PLXDC2: variants seen among roughly 807,000 people sequenced by gnomAD.
PLXDC2 encodes the protein plexin domain containing 2.
Under a neutral mutation model 68.9 loss-of-function variants are expected in PLXDC2, and 40 were observed. That is an observed-to-expected ratio of 0.58 (90% CI 0.45 to 0.76). The LOEUF (loss-of-function observed/expected upper bound fraction) is 0.76, where lower values mean the gene tolerates loss of function less well. PLXDC2 is among the 30% of genes least tolerant of loss of function. The pLI is 0.00. For synonymous variants in PLXDC2, 243 were observed against 234.2 expected (o/e 1.04, Z -0.34); for missense variants, 644 against 661.9 (o/e 0.97, Z 0.30).
At chr10:20,110,646 T>C (rs1418485803) in intron 4 of PLXDC2, among the ~76,000 whole-genome samples, 1 of 152,136 alleles carries the variant, frequency 6.6e-6, no homozygotes, top group Non-Finnish European at 1.5e-5. Context: ...CCGGTCACTG[T>C]CACAGTCAGC....
intron 9 of PLXDC2, among the ~76,000 whole-genome samples, chr10:20,196,415 TG>T (rs1834838303): frequency 2.0e-5 from 3 of 152,292 alleles, no homozygotes; most frequent in South Asian, 4.1e-4. Context: ...CTAGGTGCCA[TG>T]GAGGGTATAG....
At chr10:20,096,069 AG>A (rs1833345383) in intron 4 of PLXDC2, among the ~76,000 whole-genome samples, 1 of 152,100 alleles carries the variant, frequency 6.6e-6, no homozygotes, top group African/African-American at 2.4e-5. Flanking sequence ...TCTTTTCAAG[AG>A]CCATTTTGCA....
chr10:19,943,757 CTCA>C, intron 1 of PLXDC2, among the ~76,000 whole-genome samples: 1 of 152,316 alleles, frequency 6.6e-6, no homozygotes, highest in East Asian at 1.9e-4. Flanking sequence ...TAGGAACAGT[CTCA>C]TCTTGTCCTT....
At chr10:19,836,872 G>A (rs544456601) in intron 1 of PLXDC2, among the ~76,000 whole-genome samples, 5 of 152,262 alleles carry the variant, frequency 3.3e-5, no homozygotes, top group South Asian at 2.1e-4. Flanking sequence ...TGGCTCTTGC[G>A]AAGATGAATT....
intron 7 of PLXDC2, among the ~76,000 whole-genome samples, chr10:20,171,162 A>G (rs1834441319): frequency 6.6e-6 from 1 of 151,960 alleles, no homozygotes; most frequent in Non-Finnish European, 1.5e-5. Flanking sequence ...TCTTGGAAAA[A>G]CTTGAACTTT....
At chr10:20,204,730 C>G (rs768321443) in intron 9 of PLXDC2, among the ~76,000 whole-genome samples, 80 of 152,154 alleles carry the variant, frequency 5.3e-4, no homozygotes, top group Non-Finnish European at 1.1e-3. Flanking sequence ...ACAGCCACAC[C>G]CAATGTGTTT....
rs925758455 is a variant in PLXDC2, at chr10:19,979,846, C to T, written c.113-21929C>T. Among the ~76,000 whole-genome samples, 20 of 152,296 alleles carry T rather than the reference C, an allele frequency of 1.3e-4. No homozygotes were observed. The East Asian group carries it at 1.4e-3, about 10-fold the overall frequency. On this transcript the variant is annotated intron_variant, in intron 1 of 13. Coordinates refer to ENST00000377252, the MANE Select transcript of PLXDC2 (RefSeq NM_032812.9). ...CACTTCCTAAAATAAACTTGCCCCTCGGCATTTCCACAGTGGAGAAATGAC... is the reference window on the plus strand; with the variant it reads ...CACTTCCTAAAATAAACTTGCCCCTTGGCATTTCCACAGTGGAGAAATGAC...
chr10:20,186,574 G>A (rs1040960054), intron 9 of PLXDC2, among the ~76,000 whole-genome samples: 2 of 151,576 alleles, frequency 1.3e-5, no homozygotes, highest in Admixed American at 6.6e-5. Context: ...CCCACCCTCC[G>A]CCCTCTGGTA....
intron 1 of PLXDC2, among the ~76,000 whole-genome samples, chr10:19,994,299 G>C (rs1258370140): frequency 1.0e-5 from 1 of 99,500 alleles, no homozygotes; most frequent in Non-Finnish European, 2.3e-5. Context: ...TGACTACTTG[G>C]AAACATGATT....
chr10:20,262,910 C>G (rs1202173411), intron 13 of PLXDC2, among the ~76,000 whole-genome samples: 1 of 152,202 alleles, frequency 6.6e-6, no homozygotes, highest in Non-Finnish European at 1.5e-5. Flanking sequence ...TGAGCCATTA[C>G]CAACTCAGCA....
rs552950916 is a variant in PLXDC2 at position 19,988,776 on chromosome 10, C to CT, written c.113-12962dup. 7.1e-3 allele frequency among the ~76,000 whole-genome samples: 325 copies of CT among 45,492 alleles called. 107 individuals are homozygous for CT. The highest frequency in any genetic ancestry group is 9.2e-3 in the Non-Finnish European group (239 of 26,110). The allele number at this position is 45,492 out of a possible 152,430, so 29.8% of individuals were successfully genotyped here. On this transcript the variant is annotated intron_variant, in intron 1 of 13. Coordinates refer to ENST00000377252, the MANE Select transcript of PLXDC2 (RefSeq NM_032812.9). ...AGTTAGGGTTAAGTTAATAATGCCA[C>CT]TTTTTTTTTTTTTTTTTTTTTTTTT...
At position 20,009,539 on chromosome 10, in the gene PLXDC2, G is replaced by A. The variant is rs75400113; in HGVS notation, c.324+7553G>A. Among the ~76,000 whole-genome samples, 1,415 of 151,976 alleles carry A rather than the reference G, an allele frequency of 9.3e-3. 26 individuals carry two copies. Among genetic ancestry groups the A allele is most frequent in the African/African-American group, 0.032 (1,342 of 41,392 alleles). On this transcript the variant is annotated intron_variant, in intron 2 of 13. Coordinates refer to ENST00000377252, the MANE Select transcript of PLXDC2 (RefSeq NM_032812.9). ...TGAAATCTTCCAAATGCTTGTAGGT[G>A]TCAGGTTGGCTTCCACAGAAGATGA...
chr10:19,968,266 G>C (rs1337113051), intron 1 of PLXDC2, among the ~76,000 whole-genome samples: 1 of 152,174 alleles, frequency 6.6e-6, no homozygotes, highest in Non-Finnish European at 1.5e-5. Context: ...AGGAATTCTT[G>C]TATTAGATGA....
At chr10:20,147,726 C>A in intron 5 of PLXDC2, 58 bp from the exon 6 acceptor site, 1 of 1,099,414 alleles carries the variant, frequency 9.1e-7, no homozygotes, top group South Asian at 1.5e-5. Context: ...AAACTCCCAC[C>A]AGAATTGATT....
intron 1 of PLXDC2, among the ~76,000 whole-genome samples, chr10:19,843,849 C>T (rs1836950399): frequency 6.6e-6 from 1 of 152,036 alleles, no homozygotes; most frequent in Non-Finnish European, 1.5e-5. Context: ...CAAATAAGCC[C>T]CGACATTCTG....
intron 4 of PLXDC2, among the ~76,000 whole-genome samples, chr10:20,102,828 G>C (rs1833440462): frequency 6.6e-6 from 1 of 152,148 alleles, no homozygotes; most frequent in African/African-American, 2.4e-5. Context: ...AATTTTAGGA[G>C]TTTATCAGTT....
intron 6 of PLXDC2, among the ~76,000 whole-genome samples, chr10:20,152,839 A>T (rs1249001866): frequency 6.6e-6 from 1 of 152,102 alleles, no homozygotes; most frequent in East Asian, 1.9e-4. Context: ...AAAATATTGG[A>T]CATGGTTTAC....
chr10:20,025,413 C>A (rs1452635511), intron 2 of PLXDC2, among the ~76,000 whole-genome samples: 20 of 152,060 alleles, frequency 1.3e-4, no homozygotes, highest in African/African-American at 4.8e-4. Flanking sequence ...CAGGCATGCA[C>A]CACCATGCCT....
rs561761683 is a variant in PLXDC2, at chr10:20,184,685, A to G, written c.1061+7276A>G. ...AAAACAAATTTAAGTAGTTCAACCA[A>G]TCCAACCTTTCCCAAATCACTAATC... On this transcript the variant is annotated intron_variant, in intron 9 of 13. Transcript: ENST00000377252. Among the ~76,000 whole-genome samples, 8 of 152,048 alleles carry G rather than the reference A, an allele frequency of 5.3e-5. No homozygotes were observed. In the South Asian group the frequency reaches 1.0e-3, roughly 20 times the overall value.
Sources: gnomAD v4.1 joint callset for allele counts (sites outside exome capture counted in the v4.1 genomes callset) on GRCh38, gnomAD v4.1.1 for gene constraint, MANE v1.5 for transcripts, NCBI Gene and HGNC (gene_info 2026-07-23, HGNC 2026-07-21) for gene names.